The following CALN1 variants were observed in gnomAD, a reference collection of about 807,000 sequenced individuals.
CALN1 encodes the protein calneuron 1, also known as calcium-binding protein 8.
In CALN1, 17 loss-of-function variants were observed where a neutral mutation model predicts 30.6. The observed-to-expected ratio is 0.56, with a 90% CI of 0.38 to 0.83. The LOEUF (loss-of-function observed/expected upper bound fraction) is 0.83. CALN1 is among the 40% of genes least tolerant of loss of function. The probability of loss-of-function intolerance (pLI) is 0.00; values close to 1 mark genes in which losing one functional copy is unlikely to be tolerated. For missense variants in CALN1, 291 were observed against 354.9 expected (o/e 0.82, Z 1.45); for synonymous variants, 156 against 131.4 (o/e 1.19, Z -1.28).
At chr7:72,234,164 T>C (rs555059034) in intron 3 of CALN1, among the ~76,000 whole-genome samples, 4 of 152,148 alleles carry the variant, frequency 2.6e-5, no homozygotes, top group African/African-American at 9.7e-5. Context: ...ACCACAAAGA[T>C]AGAGGCAGTT....
intron 2 of CALN1, among the ~76,000 whole-genome samples, chr7:72,330,452 A>G (rs1801588843): frequency 7.0e-6 from 1 of 143,560 alleles, no homozygotes; most frequent in Non-Finnish European, 1.5e-5. Flanking sequence ...TGGGCAACAG[A>G]GCAAGACTGT....
intron 5 of CALN1, among the ~76,000 whole-genome samples, chr7:71,994,396 C>T (rs754629528): frequency 6.6e-5 from 10 of 151,286 alleles, no homozygotes; most frequent in East Asian, 3.9e-4. Context: ...CCTGTAATCC[C>T]AGCTACTTGG....
intron 5 of CALN1, among the ~76,000 whole-genome samples, chr7:71,934,486 C>T (rs1333543158): frequency 1.3e-5 from 2 of 152,168 alleles, no homozygotes; most frequent in African/African-American, 4.8e-5. Flanking sequence ...CCTCAGGAAG[C>T]TTTTACTCAT....
At chr7:72,003,574 T>G (rs185428608) in intron 5 of CALN1, among the ~76,000 whole-genome samples, 4 of 152,276 alleles carry the variant, frequency 2.6e-5, no homozygotes, top group Admixed American at 1.3e-4. Flanking sequence ...TAGATTCTCA[T>G]AGAAGTGTGA....
chr7:72,107,924 C>CG lies in CALN1; in HGVS notation c.245-1631dup, dbSNP rs369739377. On this transcript the variant is annotated intron_variant, in intron 3 of 6. Transcript: ENST00000395275. The stretch of plus-strand genomic sequence containing the variant: ...ACTCTTCAAACGCATACAAGCCCCT[C>CG]GGTTCTGACTCATTTACTTACTACC... Among the ~76,000 whole-genome samples the CG allele has an allele frequency of 3.2e-3, 491 of 152,298 alleles. 4 individuals are homozygous for CG. Among genetic ancestry groups the CG allele is most frequent in the African/African-American group, 0.01 (421 of 41,558 alleles).
intron 5 of CALN1, among the ~76,000 whole-genome samples, chr7:72,009,772 C>T (rs1026994792): frequency 6.6e-6 from 1 of 152,150 alleles, no homozygotes; most frequent in Non-Finnish European, 1.5e-5. Context: ...GGCTCTCATT[C>T]TCTCTTGTCT....
chr7:72,391,887 T>C (rs531852256), intron 2 of CALN1, among the ~76,000 whole-genome samples: 1 of 152,148 alleles, frequency 6.6e-6, no homozygotes, highest in Admixed American at 6.5e-5. Context: ...GAAAACAGAC[T>C]AATACAGTCC....
chr7:71,847,743 G>GAAGAAAGAAGAAAGAAGAAAGAAGAAGA lies in CALN1; in HGVS notation c.502-37252_502-37251insTCTTCTTCTTTCTTCTTTCTTCTTTCTT, dbSNP rs1386376397. On this transcript the variant is annotated intron_variant, in intron 5 of 6. Coordinates refer to ENST00000395275, the MANE Select transcript of CALN1 (RefSeq NM_031468.4). The stretch of plus-strand genomic sequence containing the variant: ...AGAAGAAGAAAGAAGAAAGAAGAAA[G>GAAGAAAGAAGAAAGAAGAAAGAAGAAGA]AAGAAGAAAGAAGAAAGAAGAAGAA... 2.3e-3 allele frequency among the ~76,000 whole-genome samples: 214 copies of GAAGAAAGAAGAAAGAAGAAAGAAGAAGA among 94,546 alleles called. 7 individuals are homozygous for GAAGAAAGAAGAAAGAAGAAAGAAGAAGA. Among genetic ancestry groups the GAAGAAAGAAGAAAGAAGAAAGAAGAAGA allele is most frequent in the East Asian group, 0.019 (37 of 1,980 alleles). 62.0% of individuals were successfully genotyped at this position (94,546 alleles called of 152,430 possible). A position where few individuals can be genotyped will look rare whatever the true frequency, so the allele number is the denominator to read the frequency against.
chr7:72,434,668 T>A (rs1417354308), intron 1 of CALN1, among the ~76,000 whole-genome samples: 2 of 152,160 alleles, frequency 1.3e-5, no homozygotes, highest in African/African-American at 4.8e-5. Flanking sequence ...GGCAGCAAGG[T>A]AAGCTCTCTT....
intron 5 of CALN1, among the ~76,000 whole-genome samples, chr7:71,979,600 C>G (rs1355367322): frequency 6.6e-6 from 1 of 152,132 alleles, no homozygotes. Context: ...CTGACTCACC[C>G]ACCTCTCACC....
intron 2 of CALN1, among the ~76,000 whole-genome samples, chr7:72,398,853 A>T (rs1002706295): frequency 7.9e-5 from 12 of 152,172 alleles, no homozygotes; most frequent in African/African-American, 2.9e-4. Context: ...AAAAAATTAA[A>T]CACCATCGAT....
chr7:72,053,635 ATCTAT>A (rs1266248389), intron 4 of CALN1, among the ~76,000 whole-genome samples: 2 of 68,736 alleles, frequency 2.9e-5, no homozygotes, highest in African/African-American at 6.0e-5. Flanking sequence ...ATCAAAGTTT[ATCTAT>A]TTTTTTTATT....
chr7:72,221,264 C>T (rs1793268231), intron 3 of CALN1, among the ~76,000 whole-genome samples: 2 of 150,088 alleles, frequency 1.3e-5, no homozygotes, highest in Admixed American at 6.6e-5. Flanking sequence ...GCCCCGAAAA[C>T]GTGGAGACGC....
At chr7:71,863,557 C>CAAAAAAA (rs71531769) in intron 5 of CALN1, among the ~76,000 whole-genome samples, 5 of 32,178 alleles carry the variant, frequency 1.6e-4, no homozygotes, top group Admixed American at 6.0e-4. Context: ...AACTCCATCT[C>CAAAAAAA]AAAAAAAAAA....
intron 2 of CALN1, among the ~76,000 whole-genome samples, chr7:72,383,687 G>C (rs917908136): frequency 1.3e-5 from 2 of 152,128 alleles, no homozygotes; most frequent in Admixed American, 1.3e-4. Context: ...ACAGAGCAGG[G>C]AGTCTTTACA....
At chr7:71,849,321 T>G (rs1369426143) in intron 5 of CALN1, among the ~76,000 whole-genome samples, 1 of 152,176 alleles carries the variant, frequency 6.6e-6, no homozygotes, top group Non-Finnish European at 1.5e-5. Flanking sequence ...ATATATGGAC[T>G]CCCAGTCCAT....
upstream of CALN1, among the ~76,000 whole-genome samples, chr7:72,449,649 G>A (rs1474777874): frequency 1.3e-5 from 2 of 152,058 alleles, no homozygotes; most frequent in African/African-American, 4.8e-5. Flanking sequence ...AAGGTGGGAG[G>A]ATCACGAGGT....
the CALN1 span, among the ~76,000 whole-genome samples, chr7:72,479,421 G>A: frequency 6.6e-6 from 1 of 151,846 alleles, no homozygotes; most frequent in African/African-American, 2.4e-5. Context: ...TCTATTTGTA[G>A]TTTTTTATCA....
Position 72,143,605 on chromosome 7 carries a change from A to G in CALN1, c.245-37311T>C, listed in dbSNP as rs567273093. On this transcript the variant is annotated intron_variant, in intron 3 of 6. Coordinates refer to ENST00000395275, the MANE Select transcript of CALN1 (RefSeq NM_031468.4). Reference sequence around the variant, plus strand: ...ATCTAGCAAGGCAGGCCAACATTCAAATTCAGGAAATACAGAGAACGCTAC... The same window carrying G: ...ATCTAGCAAGGCAGGCCAACATTCAGATTCAGGAAATACAGAGAACGCTAC... Among the ~76,000 whole-genome samples, 1,494 of 152,230 alleles carry G rather than the reference A, an allele frequency of 9.8e-3. 23 individuals are homozygous for G. The highest frequency in any genetic ancestry group is 0.034 in the African/African-American group (1,412 of 41,536).
Sources: gnomAD v4.1 joint callset for allele counts (sites outside exome capture counted in the v4.1 genomes callset) on GRCh38, gnomAD v4.1.1 for gene constraint, MANE v1.5 for transcripts, NCBI Gene and HGNC (gene_info 2026-07-23, HGNC 2026-07-21) for gene names.